KCNIP4: variants seen among roughly 807,000 people sequenced by gnomAD.
The protein encoded by KCNIP4 is Kv channel-interacting protein 4.
Under a neutral mutation model 34.0 loss-of-function variants are expected in KCNIP4, and 12 were observed. The observed-to-expected ratio is 0.35, with a 90% CI of 0.23 to 0.57. The LOEUF is 0.57. Ranked by LOEUF, KCNIP4 falls within the 20% of genes least tolerant of loss-of-function variation. KCNIP4 has a pLI of 0.83. For missense variants in KCNIP4, 238 were observed against 311.7 expected (o/e 0.76, Z 1.78); for synonymous variants, 124 against 102.2 (o/e 1.21, Z -1.29).
chr4:21,028,735 TATGGAAACCAACCA>T (rs1297275108), intron 1 of KCNIP4, among the ~76,000 whole-genome samples: 1 of 152,182 alleles, frequency 6.6e-6, no homozygotes, highest in Non-Finnish European at 1.5e-5. Context: ...GGAAAGATGA[TATGGAAACCAACCA>T]ATGCAAGACA....
At chr4:21,852,812 T>C (rs941797414) in intron 1 of KCNIP4, 7 of 152,212 alleles carry the variant, frequency 4.6e-5, no homozygotes, top group East Asian at 1.9e-4. Context: ...CTGTAGACTT[T>C]TGCCTTACCT....
At chr4:21,465,663 A>C (rs1366669444) in intron 1 of KCNIP4, among the ~76,000 whole-genome samples, 1 of 152,176 alleles carries the variant, frequency 6.6e-6, no homozygotes. Flanking sequence ...AAGCTTTCTC[A>C]GTCTTTTAAT....
At chr4:20,820,431 G>T (rs998793800) in intron 3 of KCNIP4, among the ~76,000 whole-genome samples, 12 of 152,180 alleles carry the variant, frequency 7.9e-5, no homozygotes, top group African/African-American at 2.9e-4. Context: ...TCTTGACTGC[G>T]TATAGAAAAC....
intron 1 of KCNIP4, among the ~76,000 whole-genome samples, chr4:21,802,345 C>A (rs892427185): frequency 6.6e-6 from 1 of 152,110 alleles, no homozygotes; most frequent in South Asian, 2.1e-4. Context: ...GTAATATTAT[C>A]CTCGCTTTAC....
intron 1 of KCNIP4, among the ~76,000 whole-genome samples, chr4:21,109,470 G>T (rs1171673641): frequency 6.9e-6 from 1 of 144,874 alleles, no homozygotes; most frequent in Non-Finnish European, 1.5e-5. Context: ...CAGTATTAGG[G>T]TGGGAGTGAC....
At chr4:21,691,466 T>C (rs541768078) in intron 1 of KCNIP4, among the ~76,000 whole-genome samples, 1 of 152,182 alleles carries the variant, frequency 6.6e-6, no homozygotes, top group African/African-American at 2.4e-5. Context: ...TGCTCCAATA[T>C]AGAGTCACTT....
At chr4:20,751,450 A>C (rs1753610859) in intron 4 of KCNIP4, among the ~76,000 whole-genome samples, 1 of 152,150 alleles carries the variant, frequency 6.6e-6, no homozygotes, top group African/African-American at 2.4e-5. Flanking sequence ...TACTCTCAGC[A>C]GTACTTTTTC....
At chr4:20,863,371 A>G (rs1007214574) in intron 2 of KCNIP4, among the ~76,000 whole-genome samples, 1 of 152,106 alleles carries the variant, frequency 6.6e-6, no homozygotes, top group East Asian at 1.9e-4. Flanking sequence ...CAACTGATTC[A>G]TCAAGTGCAG....
At chr4:21,761,738 T>C (rs1718070843) in intron 1 of KCNIP4, among the ~76,000 whole-genome samples, 1 of 152,078 alleles carries the variant, frequency 6.6e-6, no homozygotes, top group South Asian at 2.1e-4. Flanking sequence ...TTTCCAAATT[T>C]ACTCCTATAG....
At chr4:21,439,446 A>G (rs1727250995) in intron 1 of KCNIP4, among the ~76,000 whole-genome samples, 1 of 152,220 alleles carries the variant, frequency 6.6e-6, no homozygotes, top group Admixed American at 6.5e-5. Flanking sequence ...TTCAAATATG[A>G]CTGGCTGACT....
chr4:20,737,614 G>C (rs1749954052), intron 5 of KCNIP4, among the ~76,000 whole-genome samples: 1 of 152,158 alleles, frequency 6.6e-6, no homozygotes, highest in Non-Finnish European at 1.5e-5. Context: ...TTTAGTGAGT[G>C]TGAGCTGTTT....
intron 1 of KCNIP4, among the ~76,000 whole-genome samples, chr4:21,766,631 T>C (rs1718436138): frequency 6.6e-6 from 1 of 152,172 alleles, no homozygotes; most frequent in South Asian, 2.1e-4. Flanking sequence ...AATTTCCTTT[T>C]CAGTCTTCCC....
chr4:21,140,696 C>T (rs192061101), intron 1 of KCNIP4, among the ~76,000 whole-genome samples: 3 of 152,272 alleles, frequency 2.0e-5, no homozygotes, highest in African/African-American at 7.2e-5. Flanking sequence ...TGACCCTCAT[C>T]CAGTTTTCCA....
At chr4:21,903,663 A>G (rs1170359338) in intron 1 of KCNIP4, among the ~76,000 whole-genome samples, 2 of 152,176 alleles carry the variant, frequency 1.3e-5, no homozygotes, top group African/African-American at 4.8e-5. Flanking sequence ...TAGAAATCTT[A>G]CAAAATCAAC....
At chr4:21,627,265 TA>T (rs1358557620) in intron 1 of KCNIP4, among the ~76,000 whole-genome samples, 2 of 152,166 alleles carry the variant, frequency 1.3e-5, no homozygotes, top group Non-Finnish European at 1.5e-5. Flanking sequence ...AGCTCTTGGT[TA>T]TAAACCATGG....
chr4:21,764,991 A>G (rs1476542087), intron 1 of KCNIP4, among the ~76,000 whole-genome samples: 1 of 152,084 alleles, frequency 6.6e-6, no homozygotes, highest in East Asian at 1.9e-4. Flanking sequence ...CCCATATCAC[A>G]GCCATGTCAA....
At chr4:21,171,940 G>C (rs1226577274) in intron 1 of KCNIP4, among the ~76,000 whole-genome samples, 1 of 152,174 alleles carries the variant, frequency 6.6e-6, no homozygotes, top group Non-Finnish European at 1.5e-5. Flanking sequence ...TGAATCGATA[G>C]GATTTCACTT....
intron 1 of KCNIP4, among the ~76,000 whole-genome samples, chr4:21,182,367 C>T (rs1168955787): frequency 6.6e-6 from 1 of 152,012 alleles, no homozygotes; most frequent in Non-Finnish European, 1.5e-5. Flanking sequence ...CCTTGCAGTC[C>T]AGACCATACA....
intron 1 of KCNIP4, among the ~76,000 whole-genome samples, chr4:21,795,089 A>G (rs1244387598): frequency 1.3e-5 from 2 of 152,130 alleles, no homozygotes; most frequent in Non-Finnish European, 2.9e-5. Context: ...GTACCTCAAA[A>G]TGAGATTGTA....
Sources: allele counts gnomAD v4.1 joint callset (sites outside exome capture counted in the v4.1 genomes callset), GRCh38; gene constraint gnomAD v4.1.1; transcripts MANE v1.5; gene names NCBI Gene and HGNC (gene_info 2026-07-23, HGNC 2026-07-21).